Variants in CLNK observed in about 807,000 individuals in gnomAD.
CLNK encodes cytokine-dependent hematopoietic cell linker.
CLNK carries 74 observed loss-of-function variants against 68.6 expected under a neutral mutation model. The observed-to-expected ratio is 1.08, with a 90% CI of 0.89 to 1.31. The LOEUF (loss-of-function observed/expected upper bound fraction) is 1.31. CLNK is among the 50% of genes most tolerant of loss of function. CLNK has a pLI of 0.00. For synonymous variants in CLNK, 198 were observed against 172.2 expected, an observed-to-expected ratio of 1.15 and a Z score of -1.17; for missense variants, 553 against 515.3, an observed-to-expected ratio of 1.07 and a Z score of -0.71.
intron 2 of CLNK, among the ~76,000 whole-genome samples, chr4:10,653,508 T>C (rs1723838152): frequency 6.6e-6 from 1 of 152,174 alleles, no homozygotes; most frequent in Non-Finnish European, 1.5e-5. Flanking sequence ...CAGCAAATTA[T>C]AATTCAAAGA....
chr4:10,711,832 G>T, the CLNK span, among the ~76,000 whole-genome samples: 1 of 152,150 alleles, frequency 6.6e-6, no homozygotes, highest in Admixed American at 6.5e-5. Flanking sequence ...TTTACAAGAA[G>T]AATTCCTGAC....
Position 10,490,518 on chromosome 4 carries a change from CTG to C in CLNK, c.1234_1235del (p.Gln412ValfsTer61), listed in dbSNP as rs1262650282. On this transcript the variant is annotated frameshift_variant, in exon 19 of 19. Coordinates refer to ENST00000226951, the MANE Select transcript of CLNK (RefSeq NM_052964.4). LOFTEE classifies it high-confidence loss of function. Reference sequence around the variant, plus strand: ...GAGGGAGTGGCTGAGTGAGGTGACACTGTTTCCTGTGGACCCCAGTTTTATCT... The same window carrying C: ...GAGGGAGTGGCTGAGTGAGGTGACACTTTCCTGTGGACCCCAGTTTTATCT... ...GKDKTGVHRK[Q>X]CHLTQPLPLT... is the part of the protein sequence containing the mutation. The C allele has an allele frequency of 1.9e-6, 3 of 1,612,516 alleles. No homozygotes were observed. The highest frequency in any genetic ancestry group is 2.5e-6 in the Non-Finnish European group (3 of 1,179,362).
intron 2 of CLNK, among the ~76,000 whole-genome samples, chr4:10,637,249 T>A (rs1405202994): frequency 6.6e-6 from 1 of 151,794 alleles, no homozygotes; most frequent in Non-Finnish European, 1.5e-5. Flanking sequence ...CAAAAGGGAG[T>A]GTATTGTACC....
chr4:10,610,037 T>G (rs1340208744), intron 2 of CLNK, among the ~76,000 whole-genome samples: 1 of 1,294 alleles, frequency 7.7e-4, no homozygotes, highest in African/African-American at 9.0e-4. Flanking sequence ...ATGCTCGTTT[T>G]TTTTTTTTTT....
chr4:10,564,138 G>A (rs1375298094), intron 7 of CLNK, among the ~76,000 whole-genome samples: 1 of 141,818 alleles, frequency 7.1e-6, no homozygotes, highest in African/African-American at 2.7e-5. Context: ...GTCCCACTCT[G>A]TCACCCAGGC....
intron 2 of CLNK, among the ~76,000 whole-genome samples, chr4:10,654,707 T>C (rs1723893048): frequency 6.6e-6 from 1 of 152,098 alleles, no homozygotes; most frequent in Non-Finnish European, 1.5e-5. Flanking sequence ...GGAAGCCTGT[T>C]GTCTGCATCC....
the CLNK span, among the ~76,000 whole-genome samples, chr4:10,712,521 T>C: frequency 6.6e-6 from 1 of 152,164 alleles, no homozygotes; most frequent in East Asian, 1.9e-4. Flanking sequence ...AGCCCTTTCC[T>C]GAAAATAAAC....
chr4:10,658,401 C>A (rs181906544), intron 2 of CLNK, among the ~76,000 whole-genome samples: 267 of 152,332 alleles, frequency 1.8e-3, no homozygotes, highest in Middle Eastern at 3.4e-3. Context: ...TCTGTTGCTG[C>A]CTAACACACC....
chr4:10,609,939 T>C (rs1270502828), intron 2 of CLNK, among the ~76,000 whole-genome samples: 1 of 151,812 alleles, frequency 6.6e-6, no homozygotes, highest in Non-Finnish European at 1.5e-5. Flanking sequence ...TCTGGCTCCA[T>C]GTGAGGTGAT....
At chr4:10,708,100 G>C in the CLNK span, among the ~76,000 whole-genome samples, 1 of 152,144 alleles carries the variant, frequency 6.6e-6, no homozygotes. Context: ...GATTCCCAAT[G>C]ACAGGAGGAA....
intron 4 of CLNK, among the ~76,000 whole-genome samples, chr4:10,583,885 C>G (rs542735601): frequency 2.7e-4 from 41 of 152,214 alleles, no homozygotes; most frequent in African/African-American, 9.2e-4. Context: ...TATGATTCAC[C>G]GGTCACCAAG....
the CLNK span, among the ~76,000 whole-genome samples, chr4:10,708,070 G>A: frequency 6.6e-6 from 1 of 152,180 alleles, no homozygotes; most frequent in East Asian, 1.9e-4. Flanking sequence ...ATAGAGACAA[G>A]AGACAAGGCA....
chr4:10,615,391 G>T (rs143885733), intron 2 of CLNK, among the ~76,000 whole-genome samples: 144 of 152,138 alleles, frequency 9.5e-4, no homozygotes, highest in Middle Eastern at 3.4e-3. Context: ...GAAGGAGGAA[G>T]GAGAATCGCT....
At chr4:10,499,259 T>C (rs1013740725) in intron 18 of CLNK, among the ~76,000 whole-genome samples, 3 of 152,198 alleles carry the variant, frequency 2.0e-5, no homozygotes, top group African/African-American at 7.2e-5. Flanking sequence ...GCAGGACTTG[T>C]GTCAGGAATA....
rs532151897 is a variant in CLNK at position 10,593,435 on chromosome 4, A to T, written c.83+4543T>A. 5.9e-5 allele frequency among the ~76,000 whole-genome samples: 9 copies of T among 152,172 alleles called. No homozygotes were observed. The East Asian group carries it at 7.8e-4, about 13-fold the overall frequency. On this transcript the variant is annotated intron_variant, in intron 3 of 18. Transcript: ENST00000226951. Reference sequence around the variant, plus strand: ...TTTGGGAGGCTGAGGTGGGTGGATCACTTGAGGTCAGGAGTTCGAGACCAG... The same window carrying T: ...TTTGGGAGGCTGAGGTGGGTGGATCTCTTGAGGTCAGGAGTTCGAGACCAG...
intron 3 of CLNK, among the ~76,000 whole-genome samples, chr4:10,594,255 C>T (rs113351610): frequency 1.3e-5 from 2 of 152,184 alleles, no homozygotes; most frequent in African/African-American, 4.8e-5. Context: ...ACAGCTCCTG[C>T]ACCCACCATT....
intron 2 of CLNK, among the ~76,000 whole-genome samples, chr4:10,652,405 G>GAAAAAAAAAAAAA (rs1237549000): frequency 8.5e-6 from 1 of 118,088 alleles, no homozygotes; most frequent in Non-Finnish European, 1.9e-5. Flanking sequence ...AAAAAAAAAG[G>GAAAAAAAAAAAAA]AAAAAAAAGA....
At chr4:10,646,417 A>C (rs1723513541) in intron 2 of CLNK, among the ~76,000 whole-genome samples, 1 of 152,236 alleles carries the variant, frequency 6.6e-6, no homozygotes, top group African/African-American at 2.4e-5. Context: ...CTTATGTGTC[A>C]GCTCAGGAAA....
At chr4:10,696,702 T>G in the CLNK span, among the ~76,000 whole-genome samples, 1 of 152,162 alleles carries the variant, frequency 6.6e-6, no homozygotes, top group Admixed American at 6.5e-5. Context: ...CTGTTGGCTC[T>G]CCTTCCCAGC....
Sources: allele counts gnomAD v4.1 joint callset (sites outside exome capture counted in the v4.1 genomes callset), GRCh38; gene constraint gnomAD v4.1.1; transcripts MANE v1.5; gene names NCBI Gene and HGNC (gene_info 2026-07-23, HGNC 2026-07-21).